Variants in WDR19 observed in about 807,000 individuals in gnomAD.
WDR19 encodes the protein WD repeat-containing protein 19.
A neutral mutation model predicts 180.0 loss-of-function variants in WDR19; 121 were observed. The ratio of observed to expected loss-of-function variants is 0.67; its 90% CI spans 0.58 to 0.78. The LOEUF is 0.78. WDR19 is among the 30% of genes least tolerant of loss of function. The pLI is 0.00. For missense variants in WDR19, 1,450 were observed against 1,640.7 expected, an observed-to-expected ratio of 0.88 and a Z score of 2.01; for synonymous variants, 497 against 540.7, an observed-to-expected ratio of 0.92 and a Z score of 1.12.
Position 39,245,354 on chromosome 4 carries a change from G to C in WDR19, c.2646-15G>C, listed in dbSNP as rs191971872. On this transcript the variant is annotated splice_polypyrimidine_tract_variant and intron_variant, in intron 23 of 36. Transcript: ENST00000399820. The stretch of plus-strand genomic sequence containing the variant: ...ACACAGTACTCATACTGTTCTCCTG[G>C]ACCTACCTTTCCAGGGCAAAAGTTG... The C allele has an allele frequency of 1.9e-6, 3 of 1,610,616 alleles. No homozygotes were observed. The South Asian group carries it at 3.3e-5, about 18-fold the overall frequency.
chr4:39,241,795 C>CAAAA (rs539065242), intron 21 of WDR19, among the ~76,000 whole-genome samples: 12 of 125,922 alleles, frequency 9.5e-5, no homozygotes, highest in East Asian at 2.4e-4. Flanking sequence ...AACTCTGTCT[C>CAAAA]AAAAAAAAAA....
intron 24 of WDR19, among the ~76,000 whole-genome samples, chr4:39,250,178 C>T (rs1022667238): frequency 1.4e-5 from 2 of 145,686 alleles, no homozygotes; most frequent in African/African-American, 5.1e-5. Context: ...GGGCTTCATC[C>T]CTGGGATGCA....
intron 2 of WDR19, among the ~76,000 whole-genome samples, 173 bp downstream of exon 2, chr4:39,185,990 G>C (rs1725493536): frequency 6.6e-6 from 1 of 151,722 alleles, no homozygotes; most frequent in African/African-American, 2.4e-5. Context: ...CCGCCTCCCA[G>C]GTTCAAGTGA....
chr4:39,241,878 T>C (rs1731992756), intron 21 of WDR19, among the ~76,000 whole-genome samples: 1 of 151,158 alleles, frequency 6.6e-6, no homozygotes, highest in Non-Finnish European at 1.5e-5. Flanking sequence ...TAACTACTGT[T>C]AATGATTTTA....
chr4:39,236,740 A>C lies in WDR19; in HGVS notation c.2363+1865A>C, dbSNP rs574169134. On this transcript the variant is annotated intron_variant, in intron 20 of 36. Coordinates refer to ENST00000399820, the MANE Select transcript of WDR19 (RefSeq NM_025132.4). ...GGAGGATATTGAGTGCTTGAGTAAT[A>C]GTCCTTTATGATGCATGAATAGGAG... 2.6e-5 allele frequency among the ~76,000 whole-genome samples: 4 copies of C among 152,328 alleles called. No homozygotes were observed. The South Asian group carries it at 8.3e-4, about 32-fold the overall frequency.
intron 14 of WDR19, among the ~76,000 whole-genome samples, chr4:39,223,980 A>G (rs1371861917): frequency 6.6e-6 from 1 of 152,196 alleles, no homozygotes; most frequent in East Asian, 1.9e-4. Flanking sequence ...TGAACACAGT[A>G]TACCTCTCCA....
chr4:39,186,336 A>G (rs887321479), intron 2 of WDR19, among the ~76,000 whole-genome samples: 2 of 151,956 alleles, frequency 1.3e-5, no homozygotes, highest in African/African-American at 4.8e-5. Flanking sequence ...AAAATTAGCC[A>G]GGTATGGTGG....
intron 12 of WDR19, 29 bp downstream of exon 12, chr4:39,216,239 A>G (rs754226253): frequency 1.3e-6 from 2 of 1,491,578 alleles, no homozygotes; most frequent in East Asian, 2.5e-5. Context: ...GTTTATTCTT[A>G]TCTAGCACAT....
intron 3 of WDR19, among the ~76,000 whole-genome samples, chr4:39,189,379 A>G (rs1725912767): frequency 6.6e-6 from 1 of 152,194 alleles, no homozygotes; most frequent in Non-Finnish European, 1.5e-5. Context: ...TCTTTATAGG[A>G]CTGAAGAAAA....
chr4:39,278,290 C>G (rs1457510326), intron 35 of WDR19, 83 bp downstream of exon 35: 1 of 1,294,208 alleles, frequency 7.7e-7, no homozygotes, highest in Non-Finnish European at 1.1e-6. Flanking sequence ...CCGAAGCATT[C>G]TTCTATTTGT....
Position 39,199,609 on chromosome 4 carries a change from C to T in WDR19, c.522+16C>T. 1 of 1,579,082 alleles carries T rather than the reference C, an allele frequency of 6.3e-7. No individual in the cohort carries two copies. Among genetic ancestry groups the T allele is most frequent in the Non-Finnish European group, 8.7e-7 (1 of 1,149,894 alleles). On this transcript the variant is annotated intron_variant, in intron 6 of 36. Transcript: ENST00000399820. ...GATAAGACAGGTAATACAGTAACGT[C>T]TCTTTGGTCTGATATATTCAAGCTT...
intron 1 of WDR19, 96 bp from the exon 2 acceptor site, chr4:39,185,630 T>C: frequency 1.7e-6 from 2 of 1,170,260 alleles, no homozygotes; most frequent in Non-Finnish European, 2.5e-6. Flanking sequence ...CTGAATCCTA[T>C]GAAAACATGG....
chr4:39,188,509 T>G (rs1725798148), intron 3 of WDR19, among the ~76,000 whole-genome samples: 1 of 151,618 alleles, frequency 6.6e-6, no homozygotes, highest in Non-Finnish European at 1.5e-5. Context: ...AGCCCTGGAA[T>G]TCGAGGTTAT....
intron 24 of WDR19, among the ~76,000 whole-genome samples, chr4:39,246,426 G>A (rs1732528212): frequency 6.6e-6 from 1 of 152,198 alleles, no homozygotes; most frequent in African/African-American, 2.4e-5. Flanking sequence ...CCCAGCATGA[G>A]CGACGCAGAA....
intron 36 of WDR19, among the ~76,000 whole-genome samples, chr4:39,281,240 G>GAGAGAGAGAGAGAA (rs1560573283): frequency 8.2e-6 from 1 of 122,472 alleles, no homozygotes; most frequent in Non-Finnish European, 1.7e-5. Flanking sequence ...TATATATAGA[G>GAGAGAGAGAGAGAA]AGAGAGAGAG....
rs141581499 is a variant in WDR19, at chr4:39,217,112, T to C, written c.1250-22T>C. The C allele has an allele frequency of 2.8e-3, 4,336 of 1,539,530 alleles. 7 individuals carry two copies. Among genetic ancestry groups the C allele is most frequent in the Non-Finnish European group, 3.6e-3 (4,038 of 1,126,684 alleles). On this transcript the variant is annotated intron_variant, in intron 12 of 36. Coordinates refer to ENST00000399820, the MANE Select transcript of WDR19 (RefSeq NM_025132.4). ...TAGTTTTACCAACATTTTAATGTGT[T>C]GGTTTTTAAAAATTGCTACAGCTGT... is the stretch of plus-strand genomic sequence containing the variant.
rs936819646 is a variant in WDR19, at chr4:39,234,846, A to G, written c.2334A>G (p.Ser778=). The G allele has an allele frequency of 3.2e-6, 5 of 1,571,024 alleles. No homozygotes were observed. The highest frequency in any genetic ancestry group is 4.3e-6 in the Non-Finnish European group (5 of 1,156,932). The stretch of plus-strand genomic sequence containing the variant: ...CCCCAGACCAGATACCTTTTATATC[A>G]AAAGAATATGCTATTCAGCTTGAAT... ...HLAPDQIPFI[S]KEYAIQLEFA... Residue 778 remains serine (S), a synonymous_variant, in exon 20 of 37, where the codon TCA becomes TCG. Coordinates refer to ENST00000399820, the MANE Select transcript of WDR19 (RefSeq NM_025132.4).
At chr4:39,255,421 T>C (rs1392353354) in intron 26 of WDR19, among the ~76,000 whole-genome samples, 1 of 152,156 alleles carries the variant, frequency 6.6e-6, no homozygotes, top group Non-Finnish European at 1.5e-5. Context: ...TTCCAGTAGC[T>C]TTTGGGGTCC....
chr4:39,228,095 G>T, intron 15 of WDR19, 115 bp from the exon 16 acceptor site: 10 of 1,115,584 alleles, frequency 9.0e-6, no homozygotes, highest in Non-Finnish European at 1.1e-5. Flanking sequence ...GTGATGTTAG[G>T]TTGAATATGA....
Sources: allele counts gnomAD v4.1 joint callset (sites outside exome capture counted in the v4.1 genomes callset), GRCh38; gene constraint gnomAD v4.1.1; transcripts MANE v1.5; gene names NCBI Gene and HGNC (gene_info 2026-07-23, HGNC 2026-07-21).